HTR3A: variants seen among roughly 807,000 people sequenced by gnomAD.
HTR3A encodes the protein 5-hydroxytryptamine (serotonin) receptor 3A, ionotropic.
In HTR3A, 45 loss-of-function variants were observed where a neutral mutation model predicts 54.8. The ratio of observed to expected loss-of-function variants is 0.82; its 90% confidence interval spans 0.65 to 1.05. The LOEUF (loss-of-function observed/expected upper bound fraction) is 1.05. Among genes scored for constraint, HTR3A ranks in the 50% least tolerant of loss-of-function variants. The probability of loss-of-function intolerance (pLI) is 0.00; values close to 1 mark genes in which losing one functional copy is unlikely to be tolerated. For missense variants in HTR3A, 657 were observed against 614.0 expected, an observed-to-expected ratio of 1.07 and a Z score of -0.74; for synonymous variants, 297 against 256.0, an observed-to-expected ratio of 1.16 and a Z score of -1.53.
At chr11:113,977,064 C>T (rs768154327) in intron 1 of HTR3A, among the ~76,000 whole-genome samples, 5 of 152,094 alleles carry the variant, frequency 3.3e-5, no homozygotes, top group African/African-American at 7.2e-5. Context: ...CTCCACACCT[C>T]GCCCCAACCA....
At chr11:113,987,737 A>T (rs1950509338) in intron 8 of HTR3A, among the ~76,000 whole-genome samples, 1 of 152,202 alleles carries the variant, frequency 6.6e-6, no homozygotes, top group Non-Finnish European at 1.5e-5. Context: ...TCTCAAAAAT[A>T]AAAATTAAAA....
At position 113,986,791 on chromosome 11, in the gene HTR3A, C is replaced by T. The variant is rs562234738; in HGVS notation, c.917-34C>T. The T allele has an allele frequency of 7.4e-6, 12 of 1,614,164 alleles. No homozygotes were observed. The South Asian group carries it at 1.2e-4, about 16-fold the overall frequency. On this transcript the variant is annotated intron_variant, in intron 7 of 8. Coordinates refer to ENST00000504030, the MANE Select transcript of HTR3A (RefSeq NM_000869.6). ...GAAACCCGCCCCCTCCCACCTCCTG[C>T]ATGTGTCTCTTGCCTCTGCCCTGGG... is the stretch of plus-strand genomic sequence containing the variant.
chr11:113,985,278 A>G (rs1397710854), intron 5 of HTR3A, among the ~76,000 whole-genome samples: 1 of 152,150 alleles, frequency 6.6e-6, no homozygotes, highest in Non-Finnish European at 1.5e-5. Context: ...CTTTTTACCC[A>G]ACATTAGGTC....
At chr11:113,987,130 C>A in intron 8 of HTR3A, 84 bp downstream of exon 8, 1 of 1,420,012 alleles carries the variant, frequency 7.0e-7, no homozygotes, top group Admixed American at 1.8e-5. Flanking sequence ...GCGTGGCCTG[C>A]CAAGGAGGTG....
At position 113,989,452 on chromosome 11, in the gene HTR3A, G is replaced by A; in HGVS notation, c.1139-13G>A. 6.2e-7 allele frequency: 1 copy of A among 1,613,820 alleles called. No individual in the cohort carries two copies. The highest frequency in any genetic ancestry group is 2.2e-5 in the East Asian group (1 of 44,878). ...GGTCTCCCTCTCTTGCCAATGCCCTGCCCTTCTTCCAGCCATGGGAAACCA... is the reference window on the plus strand; with the variant it reads ...GGTCTCCCTCTCTTGCCAATGCCCTACCCTTCTTCCAGCCATGGGAAACCA... On this transcript the variant is annotated splice_polypyrimidine_tract_variant and intron_variant, in intron 8 of 8. Coordinates refer to ENST00000504030, the MANE Select transcript of HTR3A (RefSeq NM_000869.6). This position sits in a 1 kb window ranked among gnomAD's most constrained non-coding sequence, Gnocchi z 4.4.
chr11:113,986,561 T>C lies in HTR3A; in HGVS notation c.749T>C (p.Leu250Pro), dbSNP rs770975412. 3 of 1,613,152 alleles carry C rather than the reference T, an allele frequency of 1.9e-6. No individual in the cohort carries two copies. In the African/African-American group the frequency reaches 4.0e-5, roughly 22 times the overall value. ...CCCCTCTTCTATGTGGTCAGCCTGCTACTGCCCAGCATCTTCCTCATGGTC... is the reference window on the plus strand; with the variant it reads ...CCCCTCTTCTATGTGGTCAGCCTGCCACTGCCCAGCATCTTCCTCATGGTC... Reference protein sequence around the residue: ...RRPLFYVVSLLLPSIFLMVMD... With the variant: ...RRPLFYVVSLPLPSIFLMVMD... Residue 250 changes from leucine to proline, a missense_variant, in exon 7 of 9, where the codon CTA (leucine) becomes CCA (proline). Transcript: ENST00000504030.
At chr11:113,982,087 T>C (rs143024956) in intron 4 of HTR3A, among the ~76,000 whole-genome samples, 259 of 152,214 alleles carry the variant, frequency 1.7e-3, no homozygotes, top group African/African-American at 5.9e-3. Flanking sequence ...AGGCCACAGA[T>C]TGTTTCTCCA....
At position 113,983,226 on chromosome 11, in the gene HTR3A, A is replaced by G. The variant is rs748274381; in HGVS notation, c.481A>G (p.Ile161Val). ...LQVVTACSLD[I>V]YNFPFDVQNC... ...GGTGGTGACTGCCTGTAGCCTCGAC[A>G]TCTACAACTTCCCCTTCGATGTCCA... The change falls in exon 5 of 9, where the codon ATC (isoleucine) becomes GTC (valine). Residue 161 changes from isoleucine to valine, a missense_variant. Transcript: ENST00000504030. 3 of 1,614,220 alleles carry G rather than the reference A, an allele frequency of 1.9e-6. No homozygotes were observed. Among genetic ancestry groups the G allele is most frequent in the East Asian group, 4.5e-5 (2 of 44,878 alleles).
intron 1 of HTR3A, 181 bp from the exon 2 acceptor site, chr11:113,977,590 A>C: frequency 6.5e-7 from 1 of 1,527,742 alleles, no homozygotes; most frequent in Non-Finnish European, 8.9e-7. Flanking sequence ...ATACATTTGA[A>C]TTATGGTAGA....
Position 113,983,187 on chromosome 11 carries a change from T to A in HTR3A, c.442T>A (p.Tyr148Asn), listed in dbSNP as rs1429857430. 2 of 1,614,242 alleles carry A rather than the reference T, an allele frequency of 1.2e-6. No individual in the cohort carries two copies. The highest frequency in any genetic ancestry group is 1.3e-5 in the African/African-American group (1 of 75,066). Reference protein sequence around the residue: ...YIRHQGEVQNYKPLQVVTACS... With the variant: ...YIRHQGEVQNNKPLQVVTACS... ...TCGGCATCAAGGCGAAGTTCAGAAC[T>A]ACAAGCCCCTTCAGGTGGTGACTGC... is the stretch of plus-strand genomic sequence containing the variant. Residue 148 changes from tyrosine (Y) to asparagine (N), a missense_variant, in exon 5 of 9, where the codon TAC becomes AAC. Tyr to Asn is a moderately radical substitution (Grantham distance 143). Transcript: ENST00000504030.
chr11:113,985,948 A>G (rs1950484555), intron 5 of HTR3A, 67 bp from the exon 6 acceptor site: 1 of 1,561,988 alleles, frequency 6.4e-7, no homozygotes, highest in Admixed American at 1.7e-5. Context: ...CCTGTGTCCC[A>G]TCATCACAGG....
intron 5 of HTR3A, 54 bp downstream of exon 5, chr11:113,983,343 C>T: frequency 6.2e-7 from 1 of 1,601,316 alleles, no homozygotes; most frequent in Admixed American, 1.7e-5. Flanking sequence ...ACCCCAGGGA[C>T]ACCTGAGCGA....
In HTR3A at chr11:113,977,920, G is replaced by C; in HGVS notation, c.217G>C (p.Val73Leu). ...CGTCATTGTCTATGCCATCCTCAAC[G>C]TGGTGAGGCTCAGCCCCGAGCTGCA... Reference protein sequence around the residue: ...IDVIVYAILNVDEKNQVLTTY... With the variant: ...IDVIVYAILNLDEKNQVLTTY... Residue 73 changes from valine to leucine, a missense_variant and splice_region_variant, in exon 2 of 9, where the codon GTG becomes CTG. Coordinates refer to ENST00000504030, the MANE Select transcript of HTR3A (RefSeq NM_000869.6). 1 of 1,614,200 alleles carries C rather than the reference G, an allele frequency of 6.2e-7. No individual in the cohort carries two copies. Among genetic ancestry groups the C allele is most frequent in the East Asian group, 2.2e-5 (1 of 44,888 alleles).
intron 3 of HTR3A, 36 bp from the exon 4 acceptor site, chr11:113,981,166 AG>A (rs752390838): frequency 3.1e-5 from 40 of 1,308,852 alleles, no homozygotes; most frequent in Non-Finnish European, 4.3e-5. Context: ...CTGGAGATGG[AG>A]GGGGCTGCCT....
Position 113,983,239 on chromosome 11 carries a change from C to T in HTR3A, c.494C>T (p.Pro165Leu), listed in dbSNP as rs146411553. The T allele has an allele frequency of 1.6e-4, 259 of 1,614,214 alleles. No homozygotes were observed. Among genetic ancestry groups the T allele is most frequent in the Admixed American group, 4.2e-4 (25 of 60,022 alleles). ...TGTAGCCTCGACATCTACAACTTCC[C>T]CTTCGATGTCCAGAACTGCTCGCTG... ...TACSLDIYNF[P>L]FDVQNCSLTF... The change falls in exon 5 of 9, where the codon CCC becomes CTC. Residue 165 changes from proline (P) to leucine (L), a missense_variant. By Grantham distance (98) the Pro-to-Leu change is moderately conservative. Transcript: ENST00000504030.
intron 8 of HTR3A, among the ~76,000 whole-genome samples, chr11:113,987,775 G>C (rs1290948745): frequency 6.6e-6 from 1 of 152,172 alleles, no homozygotes; most frequent in Non-Finnish European, 1.5e-5. Context: ...CAAAGACCAT[G>C]TTCCTTAGAA....
At chr11:113,976,594 TG>T (rs1950354084) in intron 1 of HTR3A, among the ~76,000 whole-genome samples, 1 of 148,776 alleles carries the variant, frequency 6.7e-6, no homozygotes, top group Non-Finnish European at 1.5e-5. Context: ...TGTGTGTGTG[TG>T]TGTGTGTGTG....
chr11:113,987,756 T>A (rs1950509494), intron 8 of HTR3A, among the ~76,000 whole-genome samples: 1 of 152,064 alleles, frequency 6.6e-6, no homozygotes, highest in Admixed American at 6.5e-5. Flanking sequence ...AAACAACAAA[T>A]ACACAGCCCA....
intron 8 of HTR3A, among the ~76,000 whole-genome samples, chr11:113,987,438 C>A (rs982880080): frequency 6.6e-6 from 1 of 152,168 alleles, no homozygotes; most frequent in African/African-American, 2.4e-5. Flanking sequence ...AACTCTTATA[C>A]TAAACAGCCC....
Sources: gnomAD v4.1 joint callset for allele counts (sites outside exome capture counted in the v4.1 genomes callset) on GRCh38, gnomAD v4.1.1 for gene constraint, Gnocchi (gnomAD v3.1) non-coding constraint, MANE v1.5 for transcripts, NCBI Gene and HGNC (gene_info 2026-07-23, HGNC 2026-07-21) for gene names.